The following FBXW7 variants were observed in gnomAD, a reference collection of about 807,000 sequenced individuals.
The protein encoded by FBXW7 is F-box and WD repeat domain containing 7.
Under a neutral mutation model 86.3 loss-of-function variants are expected in FBXW7, and 11 were observed. The observed-to-expected ratio is 0.13, with a 90% confidence interval of 0.08 to 0.21. FBXW7 has a LOEUF of 0.21. Among genes scored for constraint, FBXW7 ranks in the 10% least tolerant of loss-of-function variants. The probability of loss-of-function intolerance (pLI) is 1.00; values close to 1 mark genes in which losing one functional copy is unlikely to be tolerated. For synonymous variants in FBXW7, 313 were observed against 297.9 expected, an observed-to-expected ratio of 1.05 and a Z score of -0.52; for missense variants, 488 against 847.4, an observed-to-expected ratio of 0.58 and a Z score of 5.27.
At chr4:152,332,911 G>A (rs1729695803) in intron 7 of FBXW7, 192 bp from the exon 8 acceptor site, 1 of 178,714 alleles carries the variant, frequency 5.6e-6, no homozygotes, top group Non-Finnish European at 1.1e-5. Flanking sequence ...ACACCTTATG[G>A]TTTTTATGAA....
At chr4:152,352,814 C>G (rs2126665911) in intron 4 of FBXW7, 2 of 1,562,182 alleles carry the variant, frequency 1.3e-6, no homozygotes, top group East Asian at 4.5e-5. Context: ...TATGCCCTGT[C>G]AAAGCCTTGA....
chr4:152,535,882 G>GA lies in FBXW7; in HGVS notation c.-969dup. On this transcript the variant is annotated 5_prime_UTR_variant, in exon 1 of 14. Coordinates refer to ENST00000281708, the MANE Select transcript of FBXW7 (RefSeq NM_001349798.2). ...AGCCGCCGCTGCCGGCCGGGAAGGTGAGGGGGGGAAAGGAGTGCGGCCGCG... is the reference window on the plus strand; with the variant it reads ...AGCCGCCGCTGCCGGCCGGGAAGGTGAAGGGGGGGAAAGGAGTGCGGCCGCG... 2.7e-6 allele frequency: 1 copy of GA among 377,164 alleles called. No individual in the cohort carries two copies. Among genetic ancestry groups the GA allele is most frequent in the Non-Finnish European group, 4.7e-6 (1 of 212,276 alleles). 23.4% of individuals were successfully genotyped at this position (377,164 alleles called of 1,614,324 possible).
chr4:152,395,573 G>A (rs1426542640), intron 4 of FBXW7, among the ~76,000 whole-genome samples: 3 of 152,050 alleles, frequency 2.0e-5, no homozygotes, highest in Non-Finnish European at 2.9e-5. Context: ...TCATTTGGCA[G>A]TTTAATAACT....
chr4:152,490,723 C>A (rs1426696671), intron 2 of FBXW7, among the ~76,000 whole-genome samples: 3 of 152,012 alleles, frequency 2.0e-5, no homozygotes, highest in Non-Finnish European at 4.4e-5. Context: ...TAATCCTGCA[C>A]CTACAATACC....
At chr4:152,363,792 T>A (rs1366246909) in intron 4 of FBXW7, among the ~76,000 whole-genome samples, 4 of 152,138 alleles carry the variant, frequency 2.6e-5, no homozygotes, top group South Asian at 2.1e-4. Flanking sequence ...ACTATTATTA[T>A]CTCTATTTTA....
chr4:152,450,112 C>T (rs772502116), intron 2 of FBXW7, among the ~76,000 whole-genome samples: 11 of 152,234 alleles, frequency 7.2e-5, no homozygotes, highest in Non-Finnish European at 1.2e-4. Flanking sequence ...CTGCCTCTGC[C>T]TTCACCTTGC....
At chr4:152,419,494 A>AAAAAACAC (rs370794631) in intron 2 of FBXW7, among the ~76,000 whole-genome samples, 4 of 123,264 alleles carry the variant, frequency 3.2e-5, no homozygotes, top group Admixed American at 8.4e-5. Flanking sequence ...GGATAAGGTA[A>AAAAAACAC]ACACACACAC....
chr4:152,486,523 A>G (rs1745354563), intron 2 of FBXW7, among the ~76,000 whole-genome samples: 1 of 152,088 alleles, frequency 6.6e-6, no homozygotes, highest in Non-Finnish European at 1.5e-5. Flanking sequence ...AAACAAACAC[A>G]TTAGACTAGC....
chr4:152,532,264 C>T (rs1750088419), intron 2 of FBXW7, among the ~76,000 whole-genome samples: 1 of 152,230 alleles, frequency 6.6e-6, no homozygotes, highest in African/African-American at 2.4e-5. Flanking sequence ...ACTTTCAACA[C>T]ACTAAGCATC....
At chr4:152,507,625 C>T (rs1051071217) in intron 2 of FBXW7, among the ~76,000 whole-genome samples, 14 of 152,138 alleles carry the variant, frequency 9.2e-5, no homozygotes, top group African/African-American at 3.4e-4. Flanking sequence ...GATACAAGTA[C>T]TGGGGGCAGG....
chr4:152,376,548 C>T (rs534596611), intron 4 of FBXW7, among the ~76,000 whole-genome samples: 2 of 152,022 alleles, frequency 1.3e-5, no homozygotes, highest in East Asian at 3.9e-4. Flanking sequence ...ACAAAAACAA[C>T]AAATTAGGTT....
chr4:152,483,432 G>A (rs1412091108), intron 2 of FBXW7, among the ~76,000 whole-genome samples: 1 of 151,518 alleles, frequency 6.6e-6, no homozygotes, highest in African/African-American at 2.4e-5. Flanking sequence ...GGCTGGGCGT[G>A]GTGGCTAACA....
intron 4 of FBXW7, among the ~76,000 whole-genome samples, chr4:152,403,717 A>G (rs900276463): frequency 2.0e-5 from 3 of 152,104 alleles, no homozygotes; most frequent in African/African-American, 2.4e-5. Flanking sequence ...CTAATGCCAC[A>G]GCTGATCTGA....
At chr4:152,489,146 T>G (rs550144455) in intron 2 of FBXW7, among the ~76,000 whole-genome samples, 1 of 152,060 alleles carries the variant, frequency 6.6e-6, no homozygotes, top group Non-Finnish European at 1.5e-5. Flanking sequence ...ATTCAGAAAT[T>G]CTTAATTCTG....
At chr4:152,369,148 T>A (rs1035898636) in intron 4 of FBXW7, among the ~76,000 whole-genome samples, 1 of 152,102 alleles carries the variant, frequency 6.6e-6, no homozygotes, top group Admixed American at 6.6e-5. Context: ...GAATTAATTA[T>A]AAATTTTACC....
intron 2 of FBXW7, among the ~76,000 whole-genome samples, chr4:152,494,366 A>G (rs1373086922): frequency 6.6e-6 from 1 of 152,236 alleles, no homozygotes; most frequent in East Asian, 1.9e-4. Context: ...AGGAGAACAG[A>G]TGATTGAAAC....
intron 2 of FBXW7, among the ~76,000 whole-genome samples, chr4:152,422,984 T>C (rs1465201601): frequency 1.3e-5 from 2 of 152,238 alleles, no homozygotes; most frequent in African/African-American, 4.8e-5. Context: ...AGTGTAGATT[T>C]GACTGATTAT....
At chr4:152,463,902 T>G (rs1236635453) in intron 2 of FBXW7, among the ~76,000 whole-genome samples, 1 of 151,970 alleles carries the variant, frequency 6.6e-6, no homozygotes, top group Non-Finnish European at 1.5e-5. Flanking sequence ...AAACAAACAT[T>G]TAGCCAGAGA....
At chr4:152,348,788 T>A in intron 5 of FBXW7, 1 of 785,844 alleles carries the variant, frequency 1.3e-6, no homozygotes, top group Non-Finnish European at 1.8e-6. Context: ...TTATCATGAC[T>A]AGAAGGGAAA....
Sources: allele counts gnomAD v4.1 joint callset (sites outside exome capture counted in the v4.1 genomes callset), GRCh38; gene constraint gnomAD v4.1.1; transcripts MANE v1.5; gene names NCBI Gene and HGNC (gene_info 2026-07-23, HGNC 2026-07-21).